Variants in BSG observed in about 807,000 individuals in gnomAD.
BSG encodes basigin (Ok blood group), also known as basigin.
Under a neutral mutation model 43.1 loss-of-function variants are expected in BSG, and 37 were observed. The observed-to-expected ratio is 0.86, with a 90% confidence interval of 0.66 to 1.13. The LOEUF (loss-of-function observed/expected upper bound fraction) is 1.13, where lower values mean the gene tolerates loss of function less well. Among genes scored for constraint, BSG ranks in the 50% most tolerant of loss-of-function variants. The probability of loss-of-function intolerance (pLI) is 0.00; values close to 1 mark genes in which losing one functional copy is unlikely to be tolerated. For synonymous variants in BSG, 309 were observed against 238.7 expected (o/e 1.29, Z -2.72); for missense variants, 599 against 554.2 (o/e 1.08, Z -0.81).
Position 578,337 on chromosome 19 carries a change from G to C in BSG, c.415+216G>C, listed in dbSNP as rs1981970710. The C allele has an allele frequency of 1.1e-5, 5 of 460,896 alleles. No individual in the cohort carries two copies. The East Asian group carries it at 1.7e-4, about 16-fold the overall frequency. 28.6% of individuals were successfully genotyped at this position (460,896 alleles called of 1,614,324 possible). A position where few individuals can be genotyped will look rare whatever the true frequency, so the allele number is the denominator to read the frequency against. On this transcript the variant is annotated intron_variant, in intron 2 of 8. Coordinates refer to ENST00000333511, the MANE Select transcript of BSG (RefSeq NM_001728.4). ...GGCGGCCTGGCTCGGGGCAGGCAGG[G>C]CTCTGCCCTCCAGCAGGTGGGTCCT...
Position 581,503 on chromosome 19 carries a change from C to A in BSG, c.981C>A (p.Pro327=). ...RVRSHLAALW[P]FLGIVAEVLV... Reference sequence around the variant, plus strand: ...GCAGCCACCTGGCCGCCCTCTGGCCCTTCCTGGGCATCGTGGCTGAGGTGC... The same window carrying A: ...GCAGCCACCTGGCCGCCCTCTGGCCATTCCTGGGCATCGTGGCTGAGGTGC... Residue 327 remains proline, a synonymous_variant, in exon 6 of 9, where the codon CCC becomes CCA. Transcript: ENST00000333511. 1 of 1,598,722 alleles carries A rather than the reference C, an allele frequency of 6.3e-7. No individual in the cohort carries two copies. Among genetic ancestry groups the A allele is most frequent in the Non-Finnish European group, 8.5e-7 (1 of 1,173,422 alleles).
At chr19:582,696 G>T in intron 8 of BSG, 54 bp from the exon 9 acceptor site, 1 of 1,172,326 alleles carries the variant, frequency 8.5e-7, no homozygotes, top group East Asian at 2.6e-5. Context: ...CCTGGGTCCC[G>T]CCTGTGGGTC....
At chr19:579,414 G>C (rs776576310) in intron 2 of BSG, 86 bp from the exon 3 acceptor site, 2 of 1,560,362 alleles carry the variant, frequency 1.3e-6, no homozygotes, top group African/African-American at 1.4e-5. Flanking sequence ...CCTTCCCGGG[G>C]AGGAGCCGCA....
Position 582,346 on chromosome 19 carries a change from G to A in BSG, c.1094+16G>A. 1.3e-6 allele frequency: 2 copies of A among 1,595,530 alleles called. No homozygotes were observed. Among genetic ancestry groups the A allele is most frequent in the Non-Finnish European group, 1.7e-6 (2 of 1,175,734 alleles). ...CTGCACCCCTGTAAGTTCCAGCTGTGGGGGTCGGGGGTCCCAAGGAGCGGC... is the reference window on the plus strand; with the variant it reads ...CTGCACCCCTGTAAGTTCCAGCTGTAGGGGTCGGGGGTCCCAAGGAGCGGC... On this transcript the variant is annotated intron_variant, in intron 7 of 8. Coordinates refer to ENST00000333511, the MANE Select transcript of BSG (RefSeq NM_001728.4).
At chr19:571,391 C>A (rs1981222033), upstream of BSG, 1 of 633,624 alleles carries the variant, frequency 1.6e-6, no homozygotes, top group Non-Finnish European at 2.8e-6. Context: ...CACTTTCAAC[C>A]TCCAAGAGAC....
chr19:574,782 T>TG (rs1981618458), intron 1 of BSG, among the ~76,000 whole-genome samples: 1 of 152,180 alleles, frequency 6.6e-6, no homozygotes, highest in South Asian at 2.1e-4. Context: ...GTAACCAAAG[T>TG]GGCCCTTTAT....
At chr19:580,898 G>T in intron 5 of BSG, 116 bp downstream of exon 5, 2 of 771,066 alleles carry the variant, frequency 2.6e-6, no homozygotes, top group Non-Finnish European at 2.0e-6. Context: ...TAGACTGGGG[G>T]TCCCGGACCC....
At chr19:578,978 C>T (rs1435805504) in intron 2 of BSG, 4 of 452,492 alleles carry the variant, frequency 8.8e-6, no homozygotes, top group Admixed American at 2.4e-5. Flanking sequence ...GATCCACCCG[C>T]CTTGGCCTCC....
Position 581,471 on chromosome 19 carries a change from C to A in BSG, c.949C>A (p.Arg317Ser). Reference sequence around the variant, plus strand: ...CTCCGACCAGGCCATCATCACGCTCCGCGTGCGCAGCCACCTGGCCGCCCT... The same window carrying A: ...CTCCGACCAGGCCATCATCACGCTCAGCGTGCGCAGCCACCTGGCCGCCCT... ...KGSDQAIITL[R>S]VRSHLAALWP... Residue 317 changes from arginine (R) to serine (S), a missense_variant, in exon 6 of 9, where the codon CGC becomes AGC. Physicochemically the swap from Arg to Ser is moderately radical, Grantham distance 110. Transcript: ENST00000333511. 1.2e-6 allele frequency: 2 copies of A among 1,608,956 alleles called. No individual in the cohort carries two copies. The highest frequency in any genetic ancestry group is 1.7e-6 in the Non-Finnish European group (2 of 1,178,348).
chr19:574,250 C>A (rs1981558391), intron 1 of BSG, among the ~76,000 whole-genome samples: 1 of 122,040 alleles, frequency 8.2e-6, no homozygotes, highest in African/African-American at 3.7e-5. Flanking sequence ...GAGACTCTGT[C>A]TTTAAAAAAA....
chr19:573,914 A>G (rs1397441353), intron 1 of BSG, among the ~76,000 whole-genome samples: 5 of 152,242 alleles, frequency 3.3e-5, no homozygotes, highest in Non-Finnish European at 5.9e-5. Context: ...CTTGCTTCAT[A>G]GAAAATTTCT....
In BSG at chr19:581,432, A is replaced by G. The variant is rs1221716616; in HGVS notation, c.910A>G (p.Thr304Ala). The change falls in exon 6 of 9, where the codon ACC becomes GCC. Residue 304 changes from threonine to alanine, a missense_variant. Thr to Ala is a moderately conservative substitution (Grantham distance 58). Transcript: ENST00000333511. Reference protein sequence around the residue: ...ADPGQYRCNGTSSKGSDQAII... With the variant: ...ADPGQYRCNGASSKGSDQAII... ...CCCCGGCCAGTACCGGTGCAACGGC[A>G]CCAGCTCCAAGGGCTCCGACCAGGC... is the stretch of plus-strand genomic sequence containing the variant. The G allele has an allele frequency of 6.2e-7, 1 of 1,612,590 alleles. No individual in the cohort carries two copies. Among genetic ancestry groups the G allele is most frequent in the South Asian group, 1.1e-5 (1 of 91,072 alleles).
At chr19:574,426 G>A (rs1440152703) in intron 1 of BSG, among the ~76,000 whole-genome samples, 2 of 152,124 alleles carry the variant, frequency 1.3e-5, no homozygotes, top group African/African-American at 2.4e-5. Flanking sequence ...GGTGGCGGGC[G>A]CCTGTAGTCC....
Position 582,553 on chromosome 19 carries a change from C to A in BSG, c.1134C>A (p.Asn378Lys). ...AGCACCAGAATGACAAAGGCAAGAA[C>A]GTCCGCCAGAGGAACTCTTCCTGAG... Reference protein sequence around the residue: ...SGQHQNDKGKNVRQRNSS With the variant: ...SGQHQNDKGKKVRQRNSS Residue 378 changes from asparagine (N) to lysine (K), a missense_variant, in exon 8 of 9, where the codon AAC becomes AAA. Coordinates refer to ENST00000333511, the MANE Select transcript of BSG (RefSeq NM_001728.4). 1 of 1,606,372 alleles carries A rather than the reference C, an allele frequency of 6.2e-7. No individual in the cohort carries two copies. The highest frequency in any genetic ancestry group is 8.5e-7 in the Non-Finnish European group (1 of 1,177,746).
intron 1 of BSG, among the ~76,000 whole-genome samples, chr19:574,775 A>G (rs1981617720): frequency 6.6e-6 from 1 of 152,182 alleles, no homozygotes; most frequent in Non-Finnish European, 1.5e-5. Flanking sequence ...CTTCCTGGTA[A>G]CCAAAGTGGC....
rs1982502100 is a variant in BSG at position 583,298 on chromosome 19, T to A, written c.*554T>A. On this transcript the variant is annotated 3_prime_UTR_variant, in exon 9 of 9. Transcript: ENST00000333511. Reference sequence around the variant, plus strand: ...AGCCTCAAGTCACTCCCAAGCCCCCTCCTTGTCTGTGCATCCGGGGGCAGC... The same window carrying A: ...AGCCTCAAGTCACTCCCAAGCCCCCACCTTGTCTGTGCATCCGGGGGCAGC... 6.6e-6 allele frequency: 1 copy of A among 152,172 alleles called. No homozygotes were observed. The highest frequency in any genetic ancestry group is 1.5e-5 in the Non-Finnish European group (1 of 68,128). The allele number at this position is 152,172 out of a possible 1,614,324, so 9.4% of individuals were successfully genotyped here. A position where few individuals can be genotyped will look rare whatever the true frequency, so the allele number is the denominator to read the frequency against.
At chr19:574,814 C>T (rs1487948282) in intron 1 of BSG, among the ~76,000 whole-genome samples, 1 of 152,194 alleles carries the variant, frequency 6.6e-6, no homozygotes, top group Admixed American at 6.5e-5. Flanking sequence ...TGGGCAAGGG[C>T]CTGGCCCCAG....
chr19:575,804 C>T (rs1384644507), intron 1 of BSG, among the ~76,000 whole-genome samples: 3 of 151,904 alleles, frequency 2.0e-5, no homozygotes, highest in Non-Finnish European at 4.4e-5. Context: ...GGGCTGTGGC[C>T]GAGGGTCAGG....
chr19:576,758 A>AG (rs1981807849), intron 1 of BSG, among the ~76,000 whole-genome samples: 1 of 140,582 alleles, frequency 7.1e-6, no homozygotes, highest in African/African-American at 2.8e-5. Context: ...CAAAAAAAAA[A>AG]AAAAGAAGAA....
Sources: allele counts gnomAD v4.1 joint callset (sites outside exome capture counted in the v4.1 genomes callset), GRCh38; gene constraint gnomAD v4.1.1; transcripts MANE v1.5; gene names NCBI Gene and HGNC (gene_info 2026-07-23, HGNC 2026-07-21).